Variants in LIMA1 observed in about 807,000 individuals in gnomAD.
LIMA1 encodes LIM domain and actin-binding protein 1.
A neutral mutation model predicts 62.6 loss-of-function variants in LIMA1; 52 were observed. That is an observed-to-expected ratio of 0.83 (90% confidence interval 0.67 to 1.05). The LOEUF is 1.05. Among genes scored for constraint, LIMA1 ranks in the 50% least tolerant of loss-of-function variants. The pLI, the probability that LIMA1 is intolerant of heterozygous loss-of-function variation, is 0.00. For synonymous variants in LIMA1, 302 were observed against 317.8 expected (o/e 0.95, Z 0.53); for missense variants, 780 against 902.2 (o/e 0.86, Z 1.74).
rs1441870816 is a variant in LIMA1, at chr12:50,248,879, T to C, written c.-23-105A>G. 4 of 668,942 alleles carry C rather than the reference T, an allele frequency of 6.0e-6. No homozygotes were observed. The Admixed American group carries it at 9.3e-5, about 16-fold the overall frequency. The allele number at this position is 668,942 out of a possible 1,614,324, so 41.4% of individuals were successfully genotyped here. ...GCCCTAAACTTGCAGACCACACTCC[T>C]CCACTGTTCTCCCCCAAACTGTGTA... On this transcript the variant is annotated intron_variant, in intron 1 of 10. Transcript: ENST00000341247.
intron 4 of LIMA1, among the ~76,000 whole-genome samples, chr12:50,210,699 A>AG (rs1242261864): frequency 3.3e-5 from 5 of 152,236 alleles, no homozygotes; most frequent in Non-Finnish European, 7.3e-5. Context: ...TTAAACGCAT[A>AG]AAATTTCCCA....
At chr12:50,209,259 T>C (rs1941209357) in intron 4 of LIMA1, among the ~76,000 whole-genome samples, 1 of 152,040 alleles carries the variant, frequency 6.6e-6, no homozygotes, top group South Asian at 2.1e-4. Flanking sequence ...ACTCTTGCTC[T>C]AGGAGCAGCC....
At chr12:50,204,348 G>A (rs1941111437) in intron 6 of LIMA1, 3 of 476,390 alleles carry the variant, frequency 6.3e-6, no homozygotes, top group South Asian at 1.3e-4. Flanking sequence ...AGTGGGGTGG[G>A]AACCAGGACT....
At chr12:50,178,960 A>T (rs1411755447) in intron 10 of LIMA1, among the ~76,000 whole-genome samples, 3 of 104,370 alleles carry the variant, frequency 2.9e-5, no homozygotes, top group African/African-American at 1.1e-4. Flanking sequence ...ACATATATAT[A>T]TATATATTTT....
intron 9 of LIMA1, chr12:50,185,433 G>A (rs181483912): frequency 1.1e-5 from 5 of 456,094 alleles, no homozygotes; most frequent in Admixed American, 4.7e-5. Context: ...TAGGTACCAG[G>A]AGCAGGAGGC....
At chr12:50,233,798 T>C (rs1473954742) in intron 2 of LIMA1, among the ~76,000 whole-genome samples, 1 of 152,234 alleles carries the variant, frequency 6.6e-6, no homozygotes, top group East Asian at 1.9e-4. Flanking sequence ...GTGCTGGGAT[T>C]AAAGGCTTGA....
intron 9 of LIMA1, 87 bp from the exon 10 acceptor site, chr12:50,182,124 G>T (rs1940518541): frequency 6.8e-7 from 1 of 1,478,210 alleles, no homozygotes; most frequent in Non-Finnish European, 9.3e-7. Context: ...CTTTGTCTAA[G>T]GGCTCCCTTA....
chr12:50,244,528 C>T lies in LIMA1; in HGVS notation c.119+4105G>A, dbSNP rs117160575. 1.9e-4 allele frequency among the ~76,000 whole-genome samples: 29 copies of T among 152,262 alleles called. No individual in the cohort carries two copies. In the East Asian group the frequency reaches 5.0e-3, roughly 26 times the overall value. On this transcript the variant is annotated intron_variant, in intron 2 of 10. Transcript: ENST00000341247. ...TGCTGAGATTACAGGCATGAGCCAG[C>T]GTGCCCAGCCAAAATAGTATGTGTT...
At chr12:50,269,364 G>A (rs1215949728) in intron 1 of LIMA1, among the ~76,000 whole-genome samples, 1 of 152,134 alleles carries the variant, frequency 6.6e-6, no homozygotes, top group African/African-American at 2.4e-5. Flanking sequence ...ATAAATGTTA[G>A]CTCTTTTCAT....
intron 6 of LIMA1, chr12:50,201,236 T>A: frequency 1.9e-6 from 2 of 1,041,592 alleles, no homozygotes; most frequent in Non-Finnish European, 2.3e-6. Flanking sequence ...GTGAGTTTTA[T>A]CAGAAAAGAC....
At position 50,177,046 on chromosome 12, in the gene LIMA1, C is replaced by T. The variant is rs373388466; in HGVS notation, c.*18G>A. 235 of 1,530,854 alleles carry T rather than the reference C, an allele frequency of 1.5e-4. No individual in the cohort carries two copies. Among genetic ancestry groups the T allele is most frequent in the African/African-American group, 5.8e-4 (42 of 72,430 alleles). The allele number at this position is 1,530,854 out of a possible 1,614,324, so 94.8% of individuals were successfully genotyped here. ...CTAACACTAACATGAATTTAAGGCC[C>T]AGCATCATTGCAATTTGTCACTCTT... On this transcript the variant is annotated 3_prime_UTR_variant, in exon 11 of 11. Transcript: ENST00000341247.
At chr12:50,242,722 T>A (rs1020555177) in intron 2 of LIMA1, among the ~76,000 whole-genome samples, 2 of 152,156 alleles carry the variant, frequency 1.3e-5, no homozygotes, top group Non-Finnish European at 2.9e-5. Flanking sequence ...CAGAACCCTC[T>A]CTTCAAATGC....
At chr12:50,261,395 AAAGCTTTGCACATATGGATTTTGCAC>A (rs1298152424) in intron 1 of LIMA1, among the ~76,000 whole-genome samples, 1 of 151,954 alleles carries the variant, frequency 6.6e-6, no homozygotes, top group Non-Finnish European at 1.5e-5. Context: ...AAAATTGGAC[AAAGCTTTGCACATATGGATTTTGCAC>A]AAGCTTTTCC....
At chr12:50,276,890 ATAAG>A (rs1277255641) in intron 1 of LIMA1, among the ~76,000 whole-genome samples, 1 of 152,072 alleles carries the variant, frequency 6.6e-6, no homozygotes, top group African/African-American at 2.4e-5. Flanking sequence ...AAATCTATAG[ATAAG>A]TAATAATATA....
At chr12:50,232,043 C>CTTTTTTTTT (rs750844822) in intron 2 of LIMA1, among the ~76,000 whole-genome samples, 4 of 83,484 alleles carry the variant, frequency 4.8e-5, no homozygotes, top group Non-Finnish European at 6.6e-5. Flanking sequence ...GAGTGCCCAG[C>CTTTTTTTTT]TTTTTTTTTT....
chr12:50,250,185 C>T (rs575908842), intron 1 of LIMA1, among the ~76,000 whole-genome samples: 15 of 150,412 alleles, frequency 1.0e-4, no homozygotes, highest in Admixed American at 4.7e-4. Context: ...ATAATCCCAG[C>T]GACTTGGGAG....
intron 3 of LIMA1, among the ~76,000 whole-genome samples, chr12:50,228,920 C>A (rs1237475622): frequency 3.9e-5 from 6 of 152,166 alleles, no homozygotes; most frequent in African/African-American, 7.2e-5. Context: ...ATGGGGTCTG[C>A]TATATTGCCC....
chr12:50,283,048 A>G (rs1942359131), intron 1 of LIMA1, among the ~76,000 whole-genome samples: 1 of 152,208 alleles, frequency 6.6e-6, no homozygotes, highest in African/African-American at 2.4e-5. Flanking sequence ...AATGAAGGAA[A>G]AAGAACAGTT....
intron 3 of LIMA1, chr12:50,229,875 G>A (rs7314465): frequency 0.37 from 56,019 of 151,938 alleles, 11,010 homozygotes; most frequent in African/African-American, 0.49. Context: ...CCGCACAAGC[G>A]GTTCCTTCTG....
Sources: allele counts gnomAD v4.1 joint callset (sites outside exome capture counted in the v4.1 genomes callset), GRCh38; gene constraint gnomAD v4.1.1; transcripts MANE v1.5; gene names NCBI Gene and HGNC (gene_info 2026-07-23, HGNC 2026-07-21).